CACNA2D3: variants seen among roughly 807,000 people sequenced by gnomAD.
The protein encoded by CACNA2D3 is calcium voltage-gated channel auxiliary subunit alpha2delta 3, also known as voltage-dependent calcium channel subunit alpha-2/delta-3.
CACNA2D3 carries 60 observed loss-of-function variants against 160.6 expected under a neutral mutation model. That is an observed-to-expected ratio of 0.37 (90% confidence interval 0.30 to 0.46). CACNA2D3 has a LOEUF of 0.46. CACNA2D3 is among the 20% of genes least tolerant of loss of function. The pLI, the probability that CACNA2D3 is intolerant of heterozygous loss-of-function variation, is 1.00. For missense variants in CACNA2D3, 1,205 were observed against 1,365.0 expected (o/e 0.88, Z 1.85); for synonymous variants, 558 against 492.9 (o/e 1.13, Z -1.75).
At chr3:54,819,459 C>G (rs1057069233) in intron 14 of CACNA2D3, among the ~76,000 whole-genome samples, 5 of 152,086 alleles carry the variant, frequency 3.3e-5, no homozygotes, top group African/African-American at 1.2e-4. Context: ...GGACCTCTGC[C>G]CAATGTTTTG....
At chr3:54,240,209 G>T (rs1394341582) in intron 2 of CACNA2D3, among the ~76,000 whole-genome samples, 3 of 149,228 alleles carry the variant, frequency 2.0e-5, no homozygotes, top group Non-Finnish European at 4.4e-5. Flanking sequence ...GTCATATTAG[G>T]TGTATTTTTG....
In CACNA2D3 at chr3:54,731,728, G is replaced by A. The variant is rs566417633; in HGVS notation, c.1168-20871G>A. On this transcript the variant is annotated intron_variant, in intron 11 of 37. Transcript: ENST00000474759. ...CCCTTCCAAAATTTTGGTTCTTAGC[G>A]GCACCCAGGATTCTGTAACTATGTG... is the stretch of plus-strand genomic sequence containing the variant. 5.9e-5 allele frequency among the ~76,000 whole-genome samples: 9 copies of A among 152,078 alleles called. No individual in the cohort carries two copies. In the South Asian group the frequency reaches 1.9e-3, roughly 32 times the overall value.
chr3:54,690,959 A>G (rs1200991846), intron 11 of CACNA2D3, among the ~76,000 whole-genome samples: 1 of 151,986 alleles, frequency 6.6e-6, no homozygotes, highest in African/African-American at 2.4e-5. Context: ...CTATTATTCT[A>G]TTTTATGGTG....
chr3:54,486,940 G>A (rs1006506781), intron 4 of CACNA2D3, among the ~76,000 whole-genome samples: 1 of 152,124 alleles, frequency 6.6e-6, no homozygotes, highest in Non-Finnish European at 1.5e-5. Flanking sequence ...CTGACAACAT[G>A]GTAGAGAGAG....
At chr3:54,291,891 A>G (rs1488818032) in intron 2 of CACNA2D3, among the ~76,000 whole-genome samples, 1 of 152,236 alleles carries the variant, frequency 6.6e-6, no homozygotes. Flanking sequence ...ACATTTTGAA[A>G]TGTAACACTT....
At chr3:54,709,319 T>G (rs1454099968) in intron 11 of CACNA2D3, among the ~76,000 whole-genome samples, 1 of 151,912 alleles carries the variant, frequency 6.6e-6, no homozygotes, top group African/African-American at 2.4e-5. Flanking sequence ...CCAGCCTTCA[T>G]TTTTAAACTC....
chr3:54,386,904 G>A, intron 4 of CACNA2D3, 130 bp downstream of exon 4: 1 of 795,998 alleles, frequency 1.3e-6, no homozygotes. Flanking sequence ...GTACTGAGTT[G>A]GAATCTTTGA....
intron 9 of CACNA2D3, among the ~76,000 whole-genome samples, chr3:54,605,169 C>CCAGT (rs1698573212): frequency 6.6e-6 from 1 of 152,126 alleles, no homozygotes; most frequent in Admixed American, 6.6e-5. Context: ...TCTAAAGACA[C>CCAGT]CAGTCATATT....
chr3:54,800,018 A>G (rs992549114), intron 13 of CACNA2D3, among the ~76,000 whole-genome samples: 5 of 152,204 alleles, frequency 3.3e-5, no homozygotes, highest in South Asian at 4.1e-4. Context: ...AAATTATGAA[A>G]CATTTTTTTG....
In CACNA2D3 at chr3:54,445,555, TACACACAC is replaced by T. The variant is rs3028897; in HGVS notation, c.382-57910_382-57903del. Among the ~76,000 whole-genome samples, 690 of 147,218 alleles carry T rather than the reference TACACACAC, an allele frequency of 4.7e-3. 4 individuals carry two copies. The highest frequency in any genetic ancestry group is 0.015 in the African/African-American group (616 of 39,968). On this transcript the variant is annotated intron_variant, in intron 4 of 37. Coordinates refer to ENST00000474759, the MANE Select transcript of CACNA2D3 (RefSeq NM_018398.3). ...TATGTATACTTTTTATTTCTATGTA[TACACACAC>T]ACACACACACACACACACACACACA... is the stretch of plus-strand genomic sequence containing the variant.
intron 4 of CACNA2D3, among the ~76,000 whole-genome samples, chr3:54,427,909 G>A (rs1449324): frequency 0.016 from 2,411 of 152,214 alleles, 55 homozygotes; most frequent in African/African-American, 0.054. Context: ...CTTCTTTTGC[G>A]GGCTTTTAAG....
At chr3:54,157,298 C>G (rs1367828163) in intron 2 of CACNA2D3, among the ~76,000 whole-genome samples, 2 of 152,196 alleles carry the variant, frequency 1.3e-5, no homozygotes, top group Non-Finnish European at 2.9e-5. Flanking sequence ...GGCTCCACCT[C>G]CATTACCAAT....
intron 32 of CACNA2D3, among the ~76,000 whole-genome samples, chr3:55,006,916 T>A (rs1193321368): frequency 6.6e-6 from 1 of 152,214 alleles, no homozygotes; most frequent in Non-Finnish European, 1.5e-5. Context: ...AATTCTCCGA[T>A]ATCTAAAGGC....
intron 3 of CACNA2D3, among the ~76,000 whole-genome samples, chr3:54,326,350 G>C (rs1263182609): frequency 6.6e-6 from 1 of 152,158 alleles, no homozygotes; most frequent in East Asian, 1.9e-4. Context: ...ACTGGTGCCT[G>C]TCTACATATG....
intron 8 of CACNA2D3, among the ~76,000 whole-genome samples, chr3:54,579,581 G>A (rs1285607878): frequency 6.6e-6 from 1 of 152,196 alleles, no homozygotes; most frequent in Non-Finnish European, 1.5e-5. Context: ...CCAACAACGG[G>A]GAACTGGATG....
chr3:55,037,719 C>A (rs1239848203), intron 35 of CACNA2D3, among the ~76,000 whole-genome samples: 1 of 152,100 alleles, frequency 6.6e-6, no homozygotes, highest in Non-Finnish European at 1.5e-5. Flanking sequence ...TGTTTTATTT[C>A]TTTTTATAAA....
At chr3:54,523,354 T>TA (rs1701676747) in intron 5 of CACNA2D3, among the ~76,000 whole-genome samples, 2 of 152,172 alleles carry the variant, frequency 1.3e-5, no homozygotes, top group African/African-American at 4.8e-5. Context: ...TTAATTGATT[T>TA]CCAGATGTTA....
At chr3:54,168,780 A>G (rs534314484) in intron 2 of CACNA2D3, among the ~76,000 whole-genome samples, 119 of 152,314 alleles carry the variant, frequency 7.8e-4, no homozygotes, top group African/African-American at 2.8e-3. Flanking sequence ...CCAGGCCAGC[A>G]TTCCACAGAG....
At position 54,157,570 on chromosome 3, in the gene CACNA2D3, C is replaced by T. The variant is rs555505453; in HGVS notation, c.204+33976C>T. Among the ~76,000 whole-genome samples the T allele has an allele frequency of 2.0e-4, 30 of 152,194 alleles. No homozygotes were observed. The East Asian group carries it at 4.3e-3, about 22-fold the overall frequency. ...CTTTGGGAGGCCTAGGTGGGCAGAT[C>T]CCTGAGGTCGGGAGTTCGAGACCAG... is the stretch of plus-strand genomic sequence containing the variant. On this transcript the variant is annotated intron_variant, in intron 2 of 37. Coordinates refer to ENST00000474759, the MANE Select transcript of CACNA2D3 (RefSeq NM_018398.3).
Sources: allele counts gnomAD v4.1 joint callset (sites outside exome capture counted in the v4.1 genomes callset), GRCh38; gene constraint gnomAD v4.1.1; transcripts MANE v1.5; gene names NCBI Gene and HGNC (gene_info 2026-07-23, HGNC 2026-07-21).